CACNA2D1: variants seen among roughly 807,000 people sequenced by gnomAD.
CACNA2D1 encodes the protein voltage-dependent calcium channel subunit alpha-2/delta-1.
CACNA2D1 carries 53 observed loss-of-function variants against 171.5 expected under a neutral mutation model. The observed-to-expected ratio is 0.31, with a 90% CI of 0.25 to 0.39. The LOEUF is 0.39. Ranked by LOEUF, CACNA2D1 falls within the 10% of genes least tolerant of loss-of-function variation. CACNA2D1 has a pLI of 1.00. For missense variants in CACNA2D1, 903 were observed against 1,299.8 expected, an observed-to-expected ratio of 0.69 and a Z score of 4.69; for synonymous variants, 442 against 443.1, an observed-to-expected ratio of 1.00 and a Z score of 0.03.
intron 3 of CACNA2D1, among the ~76,000 whole-genome samples, chr7:82,212,620 G>T (rs570522980): frequency 1.9e-4 from 29 of 152,324 alleles, no homozygotes; most frequent in African/African-American, 6.5e-4. Context: ...AGCAGATATG[G>T]ATGCATTTTA....
chr7:82,335,436 A>T (rs1463811458), intron 2 of CACNA2D1, among the ~76,000 whole-genome samples, 185 bp from the exon 3 acceptor site: 1 of 152,168 alleles, frequency 6.6e-6, no homozygotes, highest in East Asian at 1.9e-4. Context: ...CTCTAGGACC[A>T]CCAGCTTGCC....
intron 3 of CACNA2D1, among the ~76,000 whole-genome samples, chr7:82,203,021 AG>A (rs1799626866): frequency 6.6e-6 from 1 of 152,152 alleles, no homozygotes; most frequent in Non-Finnish European, 1.5e-5. Context: ...AAGCGGGAGA[AG>A]GACATTGCTG....
At chr7:82,159,066 G>A (rs899464304) in intron 4 of CACNA2D1, among the ~76,000 whole-genome samples, 3 of 151,772 alleles carry the variant, frequency 2.0e-5, no homozygotes, top group African/African-American at 7.3e-5. Context: ...CCAGAATTTA[G>A]AATAGCTAGC....
chr7:82,308,161 T>C (rs1813967351), intron 3 of CACNA2D1, among the ~76,000 whole-genome samples: 1 of 152,196 alleles, frequency 6.6e-6, no homozygotes, highest in African/African-American at 2.4e-5. Context: ...CTGGCTCCTC[T>C]TGGACTCAAT....
intron 3 of CACNA2D1, among the ~76,000 whole-genome samples, chr7:82,198,748 C>A (rs1009383153): frequency 1.3e-5 from 2 of 151,504 alleles, no homozygotes; most frequent in Non-Finnish European, 2.9e-5. Context: ...GATAGGAAAC[C>A]TAATAAAACC....
intron 1 of CACNA2D1, among the ~76,000 whole-genome samples, chr7:82,418,323 C>T (rs1216921507): frequency 6.6e-6 from 1 of 152,056 alleles, no homozygotes; most frequent in Non-Finnish European, 1.5e-5. Flanking sequence ...AACTACAATT[C>T]AAGATGAGAT....
intron 18 of CACNA2D1, among the ~76,000 whole-genome samples, chr7:82,004,074 CTTTA>C (rs761923714): frequency 6.6e-6 from 1 of 152,104 alleles, no homozygotes; most frequent in East Asian, 1.9e-4. Flanking sequence ...TTTTGAATTA[CTTTA>C]GTTAGGGGAA....
chr7:82,430,467 T>C (rs756644426), intron 1 of CACNA2D1, among the ~76,000 whole-genome samples: 28 of 151,132 alleles, frequency 1.9e-4, no homozygotes, highest in Admixed American at 6.6e-5. Flanking sequence ...GCTGCTTCAA[T>C]GGTTATCATC....
At chr7:82,251,535 G>GACAACTAGAT (rs1805644855) in intron 3 of CACNA2D1, among the ~76,000 whole-genome samples, 1 of 152,056 alleles carries the variant, frequency 6.6e-6, no homozygotes, top group Admixed American at 6.6e-5. Context: ...TTATCATTGT[G>GACAACTAGAT]CTGTGACAAC....
At chr7:82,037,998 G>C (rs1017968150) in intron 11 of CACNA2D1, 79 bp downstream of exon 11, 1 of 1,361,196 alleles carries the variant, frequency 7.3e-7, no homozygotes, top group African/African-American at 1.4e-5. Context: ...ATCCCAGAGA[G>C]TAGTAACTAT....
chr7:82,134,049 G>A (rs761108338), intron 5 of CACNA2D1, among the ~76,000 whole-genome samples: 2 of 151,900 alleles, frequency 1.3e-5, no homozygotes, highest in Non-Finnish European at 2.9e-5. Context: ...CTCCAGCCTG[G>A]GCGACAGAGC....
Position 81,959,773 on chromosome 7 carries a change from C to T in CACNA2D1, c.3023G>A (p.Ser1008Asn). 1 of 1,612,716 alleles carries T rather than the reference C, an allele frequency of 6.2e-7. No homozygotes were observed. Among genetic ancestry groups the T allele is most frequent in the Non-Finnish European group, 8.5e-7 (1 of 1,179,162 alleles). The change falls in exon 37 of 39, where the codon AGC becomes AAC. Residue 1008 changes from serine (S) to asparagine (N), a missense_variant. Transcript: ENST00000356860. ...NTNLIFIMVE[S>N]KGTCPCDTRL... ...TGTGTCACATGGACATGTCCCTTTGCTCTCAACCATTATGAATATTAAGTT... is the reference window on the plus strand; with the variant it reads ...TGTGTCACATGGACATGTCCCTTTGTTCTCAACCATTATGAATATTAAGTT...
chr7:82,141,584 T>C (rs1040586589), intron 4 of CACNA2D1, among the ~76,000 whole-genome samples: 1 of 152,138 alleles, frequency 6.6e-6, no homozygotes, highest in Admixed American at 6.5e-5. Flanking sequence ...GTGCTACGTA[T>C]TGGAGAAACG....
rs958903461 is a variant in CACNA2D1 at position 82,134,115 on chromosome 7, T to C, written c.396+2520A>G. 2.0e-5 allele frequency among the ~76,000 whole-genome samples: 3 copies of C among 152,116 alleles called. No individual in the cohort carries two copies. In the East Asian group the frequency reaches 5.8e-4, roughly 29 times the overall value. ...TATGCAAATAAGTAAACATATATGT[T>C]CATGAGAAAATATTAAAAATGTAAC... On this transcript the variant is annotated intron_variant, in intron 5 of 38. Transcript: ENST00000356860.
At chr7:82,175,017 G>T (rs979859705) in intron 3 of CACNA2D1, among the ~76,000 whole-genome samples, 4 of 151,822 alleles carry the variant, frequency 2.6e-5, no homozygotes, top group African/African-American at 9.7e-5. Flanking sequence ...AGTATATAAA[G>T]ATATAATTCT....
chr7:82,308,538 C>G (rs1280806111), intron 3 of CACNA2D1, among the ~76,000 whole-genome samples: 1 of 152,158 alleles, frequency 6.6e-6, no homozygotes, highest in Non-Finnish European at 1.5e-5. Flanking sequence ...ACCTGTTCAA[C>G]TAAATGGATC....
rs201186220 is a variant in CACNA2D1 at position 82,050,601 on chromosome 7, C to G, written c.879+9827G>C. ...AATTACTCTGCATTGAAAATCTCTT[C>G]GGGAGAAGGAGAAATCTCTTTACTA... On this transcript the variant is annotated intron_variant, in intron 10 of 38. Coordinates refer to ENST00000356860, the MANE Select transcript of CACNA2D1 (RefSeq NM_000722.4). The G allele has an allele frequency of 1.3e-5, 9 of 702,616 alleles. No individual in the cohort carries two copies. In the African/African-American group the frequency reaches 1.4e-4, roughly 11 times the overall value. The allele number at this position is 702,616 out of a possible 1,614,324, so 43.5% of individuals were successfully genotyped here.
intron 3 of CACNA2D1, among the ~76,000 whole-genome samples, chr7:82,277,116 AAC>A (rs567077887): frequency 7.0e-4 from 106 of 152,248 alleles, no homozygotes; most frequent in Admixed American, 1.2e-3. Context: ...TAGCAGCTAA[AAC>A]ACAATGGTTT....
chr7:82,222,751 A>T (rs1180975432), intron 3 of CACNA2D1, among the ~76,000 whole-genome samples: 4 of 151,806 alleles, frequency 2.6e-5, no homozygotes, highest in Admixed American at 6.6e-5. Flanking sequence ...CATTTTTTTT[A>T]TCCCAAGCAT....
Sources: allele counts gnomAD v4.1 joint callset (sites outside exome capture counted in the v4.1 genomes callset), GRCh38; gene constraint gnomAD v4.1.1; transcripts MANE v1.5; gene names NCBI Gene and HGNC (gene_info 2026-07-23, HGNC 2026-07-21).